AHCY: variants seen among roughly 807,000 people sequenced by gnomAD.
AHCY encodes adenosylhomocysteinase, also known as S-adenosyl-L-homocysteine hydrolase.
A neutral mutation model predicts 45.4 loss-of-function variants in AHCY; 24 were observed. The observed-to-expected ratio is 0.53, with a 90% confidence interval of 0.38 to 0.74. The LOEUF (loss-of-function observed/expected upper bound fraction) is 0.74. AHCY is among the 30% of genes least tolerant of loss of function. The pLI is 0.00. For synonymous variants in AHCY, 245 were observed against 235.1 expected, an observed-to-expected ratio of 1.04 and a Z score of -0.39; for missense variants, 449 against 594.1, an observed-to-expected ratio of 0.76 and a Z score of 2.54.
upstream of AHCY, chr20:34,303,364 G>C: frequency 6.6e-7 from 1 of 1,519,720 alleles, no homozygotes; most frequent in Non-Finnish European, 8.9e-7. Flanking sequence ...GGATATGCGC[G>C]TGGCGCCGAC....
chr20:34,306,370 CT>C (rs11478081), upstream of AHCY, among the ~76,000 whole-genome samples: 111,138 of 137,850 alleles, frequency 0.81, 44,890 homozygotes, highest in Admixed American at 0.88. Context: ...ATTTCAGCTT[CT>C]TTTTTTTTTT....
At chr20:34,271,643 A>G in the AHCY span, among the ~76,000 whole-genome samples, 4 of 139,756 alleles carry the variant, frequency 2.9e-5, no homozygotes, top group African/African-American at 1.1e-4. Flanking sequence ...TGGGTTCACC[A>G]CAGCCTCTGC....
At chr20:34,245,991 C>A in the AHCY span, 2 of 1,234,192 alleles carry the variant, frequency 1.6e-6, no homozygotes, top group Admixed American at 3.6e-5. Context: ...ATGCTGTCAT[C>A]ATCTACTTCT....
chr20:34,261,576 A>C, the AHCY span, among the ~76,000 whole-genome samples: 665 of 150,306 alleles, frequency 4.4e-3, 5 homozygotes, highest in African/African-American at 0.015. Context: ...TGAGCCTACA[A>C]TGAGCCATGA....
the AHCY span, among the ~76,000 whole-genome samples, chr20:34,242,190 A>C: frequency 1.3e-5 from 2 of 151,138 alleles, no homozygotes. Flanking sequence ...TCCTTTTTAA[A>C]ATTTTTATTT....
chr20:34,241,600 T>G, the AHCY span: 1 of 940,604 alleles, frequency 1.1e-6, no homozygotes, highest in Non-Finnish European at 1.3e-6. Flanking sequence ...TTAAACAGAT[T>G]TTTTTGATTC....
At chr20:34,246,402 G>A in the AHCY span, 80 of 1,375,574 alleles carry the variant, frequency 5.8e-5, no homozygotes, top group Admixed American at 5.3e-4. Flanking sequence ...GCAACATCAG[G>A]CATATATTCA....
At chr20:34,264,682 A>G in the AHCY span, among the ~76,000 whole-genome samples, 1 of 152,210 alleles carries the variant, frequency 6.6e-6, no homozygotes, top group Non-Finnish European at 1.5e-5. Context: ...GTATCAATAA[A>G]TACAGTACAG....
At chr20:34,306,321 C>G (rs2036895752), upstream of AHCY, among the ~76,000 whole-genome samples, 1 of 151,674 alleles carries the variant, frequency 6.6e-6, no homozygotes, top group Non-Finnish European at 1.5e-5. Flanking sequence ...ATGTTCTAGC[C>G]TATGGATATA....
At chr20:34,277,436 C>T (rs773511527), downstream of AHCY, among the ~76,000 whole-genome samples, 9 of 152,060 alleles carry the variant, frequency 5.9e-5, no homozygotes, top group Admixed American at 1.3e-4. Context: ...CTCAAAACAG[C>T]TCCCTCCCAC....
the AHCY span, among the ~76,000 whole-genome samples, chr20:34,265,586 A>C: frequency 9.9e-5 from 15 of 152,114 alleles, no homozygotes; most frequent in African/African-American, 2.9e-4. Flanking sequence ...TGCATTGTTC[A>C]AGGGTCAACT....
At chr20:34,255,683 G>T in the AHCY span, among the ~76,000 whole-genome samples, 1 of 152,226 alleles carries the variant, frequency 6.6e-6, no homozygotes, top group East Asian at 1.9e-4. Flanking sequence ...GCCATACAGA[G>T]ATAGGAGCTG....
chr20:34,276,528 G>A (rs756885110), downstream of AHCY, among the ~76,000 whole-genome samples: 3 of 152,128 alleles, frequency 2.0e-5, no homozygotes, highest in East Asian at 5.8e-4. Flanking sequence ...AGACTATTAC[G>A]ATGCTAAGCA....
intron 9 of AHCY, chr20:34,281,619 A>C (rs1280915655): frequency 3.9e-6 from 1 of 259,652 alleles, no homozygotes; most frequent in Non-Finnish European, 7.6e-6. Context: ...AGACAGAAGG[A>C]CAGAGCCATG....
intron 8 of AHCY, 129 bp from the exon 9 acceptor site, chr20:34,285,763 A>G (rs918959195): frequency 1.0e-6 from 1 of 961,424 alleles, no homozygotes; most frequent in Non-Finnish European, 1.6e-6. Flanking sequence ...AACAACCTCC[A>G]GCACATGGCT....
intron 5 of AHCY, 132 bp from the exon 6 acceptor site, chr20:34,291,070 T>G: frequency 1.2e-6 from 1 of 823,762 alleles, no homozygotes; most frequent in East Asian, 2.7e-5. Flanking sequence ...GCTGAACCCC[T>G]CCAGCACCCA....
rs927577852 is a variant in AHCY at position 34,302,870 on chromosome 20, G to C, written c.28+373C>G. On this transcript the variant is annotated intron_variant, in intron 1 of 9. Coordinates refer to ENST00000217426, the MANE Select transcript of AHCY (RefSeq NM_000687.4). ...GACGCTCGTCGGGGCCGCCCAGCTG[G>C]ACAGGGTCCGGTCCAGGCCTAGGAG... 3.0e-6 allele frequency: 3 copies of C among 985,348 alleles called. No homozygotes were observed. The African/African-American group carries it at 5.2e-5, about 17-fold the overall frequency. The allele number at this position is 985,348 out of a possible 1,614,324, so 61.0% of individuals were successfully genotyped here. A position where few individuals can be genotyped will look rare whatever the true frequency, so the allele number is the denominator to read the frequency against.
rs1372730862 is a variant in AHCY, at chr20:34,280,857, C to T, written c.*177G>A. 1 of 946,246 alleles carries T rather than the reference C, an allele frequency of 1.1e-6. No homozygotes were observed. Among genetic ancestry groups the T allele is most frequent in the South Asian group, 1.6e-5 (1 of 64,050 alleles). The allele number at this position is 946,246 out of a possible 1,614,324, so 58.6% of individuals were successfully genotyped here. On this transcript the variant is annotated 3_prime_UTR_variant, in exon 10 of 10. Transcript: ENST00000217426. ...TGAAGAGGGTACTCTGTTCCCGCTGCCACATTTGGAACAGTATGACGGCTG... is the reference window on the plus strand; with the variant it reads ...TGAAGAGGGTACTCTGTTCCCGCTGTCACATTTGGAACAGTATGACGGCTG...
the AHCY span, among the ~76,000 whole-genome samples, chr20:34,256,489 A>G: frequency 6.6e-6 from 1 of 152,164 alleles, no homozygotes; most frequent in East Asian, 1.9e-4. Flanking sequence ...TTTTTTGTAG[A>G]GATGAGGTCT....
Sources: allele counts gnomAD v4.1 joint callset (sites outside exome capture counted in the v4.1 genomes callset), GRCh38; gene constraint gnomAD v4.1.1; transcripts MANE v1.5; gene names NCBI Gene and HGNC (gene_info 2026-07-23, HGNC 2026-07-21).